Variants in GAS2L3 observed in about 807,000 individuals in gnomAD.
GAS2L3 encodes growth arrest specific 2 like 3.
Under a neutral mutation model 37.0 loss-of-function variants are expected in GAS2L3, and 28 were observed. The observed-to-expected ratio is 0.76, with a 90% CI of 0.56 to 1.04. The LOEUF (loss-of-function observed/expected upper bound fraction) is 1.04. GAS2L3 is among the 50% of genes least tolerant of loss of function. The probability of loss-of-function intolerance (pLI) is 0.00; values close to 1 mark genes in which losing one functional copy is unlikely to be tolerated. For missense variants in GAS2L3, 793 were observed against 817.6 expected (o/e 0.97, Z 0.37); for synonymous variants, 290 against 296.6 (o/e 0.98, Z 0.23).
chr12:100,586,194 A>G (rs1188183758), intron 1 of GAS2L3, among the ~76,000 whole-genome samples: 1 of 152,216 alleles, frequency 6.6e-6, no homozygotes, highest in Non-Finnish European at 1.5e-5. Context: ...CCAAGAAACA[A>G]TGGATTTAAA....
intron 5 of GAS2L3, among the ~76,000 whole-genome samples, chr12:100,605,825 T>C (rs1327860623): frequency 2.6e-5 from 4 of 151,990 alleles, no homozygotes; most frequent in Non-Finnish European, 2.9e-5. Context: ...TGTTATGGAT[T>C]TCTAGTTTTA....
intron 2 of GAS2L3, 60 bp from the exon 3 acceptor site, chr12:100,594,815 T>G (rs1207129187): frequency 1.9e-6 from 1 of 522,320 alleles, no homozygotes; most frequent in Non-Finnish European, 3.3e-6. Flanking sequence ...ATTTGGGGGT[T>G]TGGGGGAGTA....
intron 1 of GAS2L3, among the ~76,000 whole-genome samples, chr12:100,587,999 C>A (rs1020251009): frequency 6.6e-6 from 1 of 152,144 alleles, no homozygotes; most frequent in African/African-American, 2.4e-5. Context: ...TTGCAGTGAG[C>A]TGAGATCGTG....
chr12:100,584,155 C>T (rs958764689), intron 1 of GAS2L3, among the ~76,000 whole-genome samples: 10 of 152,112 alleles, frequency 6.6e-5, no homozygotes, highest in African/African-American at 2.4e-4. Context: ...TTATGCTTGG[C>T]TAAGCAGTGT....
chr12:100,594,921 A>C lies in GAS2L3; in HGVS notation c.17A>C (p.Gln6Pro). ...TAGGTGACTATGCAGCCTGCAATTC[A>C]AGTAAGTTTTTTTCTTGGAAACAAT... MQPAI[Q>P]VWFGEDLPLS... The change falls in exon 3 of 10, where the codon CAA becomes CCA. Residue 6 changes from glutamine (Q) to proline (P), a missense_variant and splice_region_variant. By Grantham distance (76) the Gln-to-Pro change is moderately conservative (BLOSUM62 -1). Transcript: ENST00000547754. 3.0e-6 allele frequency: 4 copies of C among 1,351,790 alleles called. No individual in the cohort carries two copies. The highest frequency in any genetic ancestry group is 4.0e-6 in the Non-Finnish European group (4 of 990,196). The allele number at this position is 1,351,790 out of a possible 1,614,324, so 83.7% of individuals were successfully genotyped here.
intron 1 of GAS2L3, among the ~76,000 whole-genome samples, chr12:100,588,495 G>A (rs1955807727): frequency 6.6e-6 from 1 of 152,176 alleles, no homozygotes; most frequent in South Asian, 2.1e-4. Flanking sequence ...GCTTCTGAGG[G>A]AACAGAACAA....
At chr12:100,579,701 A>G in intron 1 of GAS2L3, 1 of 775,162 alleles carries the variant, frequency 1.3e-6, no homozygotes, top group Non-Finnish European at 2.4e-6. Flanking sequence ...CGATCATGGA[A>G]GCAGCCAGCT....
intron 8 of GAS2L3, among the ~76,000 whole-genome samples, chr12:100,619,412 T>C (rs192800331): frequency 3.0e-4 from 45 of 152,216 alleles, no homozygotes; most frequent in African/African-American, 1.1e-3. Context: ...GTTTGGACTG[T>C]AGCATTTTAT....
intron 1 of GAS2L3, among the ~76,000 whole-genome samples, chr12:100,577,327 T>A (rs1955649678): frequency 6.6e-6 from 1 of 152,210 alleles, no homozygotes; most frequent in Non-Finnish European, 1.5e-5. Context: ...TATGTCCCCA[T>A]ACATTCTTTT....
At chr12:100,593,550 C>T (rs577709013) in intron 2 of GAS2L3, 6 of 152,194 alleles carry the variant, frequency 3.9e-5, no homozygotes, top group Admixed American at 2.6e-4. Flanking sequence ...GATTTGCACA[C>T]GCCTTATAAT....
intron 1 of GAS2L3, among the ~76,000 whole-genome samples, chr12:100,576,066 TA>T (rs534266691): frequency 2.6e-5 from 4 of 152,058 alleles, no homozygotes; most frequent in African/African-American, 7.2e-5. Context: ...ATGCTATTAG[TA>T]AAAAAAACAG....
intron 1 of GAS2L3, among the ~76,000 whole-genome samples, chr12:100,583,199 T>C (rs1285269055): frequency 1.3e-5 from 2 of 152,234 alleles, no homozygotes; most frequent in African/African-American, 4.8e-5. Flanking sequence ...CTCCTGGGAC[T>C]ACATTGGGTC....
chr12:100,620,736 A>G (rs1171567374), intron 8 of GAS2L3, among the ~76,000 whole-genome samples: 1 of 152,068 alleles, frequency 6.6e-6, no homozygotes, highest in Non-Finnish European at 1.5e-5. Context: ...AAAATATACA[A>G]CAGCAATTCT....
At chr12:100,581,002 T>C (rs2136381251) in intron 1 of GAS2L3, among the ~76,000 whole-genome samples, 1 of 152,358 alleles carries the variant, frequency 6.6e-6, no homozygotes, top group East Asian at 1.9e-4. Context: ...GGTAGAGCCT[T>C]CATCTTCCAT....
chr12:100,598,737 A>G (rs1212963015), intron 3 of GAS2L3, among the ~76,000 whole-genome samples: 3 of 152,196 alleles, frequency 2.0e-5, no homozygotes, highest in Non-Finnish European at 4.4e-5. Context: ...TTCAGCCAGT[A>G]GAAGTCCCTT....
chr12:100,622,394 A>T lies in GAS2L3; in HGVS notation c.756+12A>T. Reference sequence around the variant, plus strand: ...TACTCTTTATAAGAGTAAGTCCATTATTTACACTTTATTTACACATAAATA... The same window carrying T: ...TACTCTTTATAAGAGTAAGTCCATTTTTTACACTTTATTTACACATAAATA... On this transcript the variant is annotated intron_variant, in intron 9 of 9. Coordinates refer to ENST00000547754, the MANE Select transcript of GAS2L3 (RefSeq NM_174942.3). 2.4e-6 allele frequency: 3 copies of T among 1,257,490 alleles called. No homozygotes were observed. Among genetic ancestry groups the T allele is most frequent in the Non-Finnish European group, 3.5e-6 (3 of 866,294 alleles). The allele number at this position is 1,257,490 out of a possible 1,614,324, so 77.9% of individuals were successfully genotyped here.
At chr12:100,616,100 G>T (rs1269732840) in intron 6 of GAS2L3, among the ~76,000 whole-genome samples, 1 of 152,126 alleles carries the variant, frequency 6.6e-6, no homozygotes, top group African/African-American at 2.4e-5. Context: ...TTAACAAGTT[G>T]TCTTCCAATC....
chr12:100,615,285 C>T (rs1211411522), intron 6 of GAS2L3, among the ~76,000 whole-genome samples: 1 of 151,970 alleles, frequency 6.6e-6, no homozygotes, highest in African/African-American at 2.4e-5. Context: ...ACTTGTTAAC[C>T]ACTTGTATAA....
At chr12:100,616,091 TAAC>T (rs1647704388) in intron 6 of GAS2L3, among the ~76,000 whole-genome samples, 3 of 152,250 alleles carry the variant, frequency 2.0e-5, no homozygotes, top group Non-Finnish European at 4.4e-5. Flanking sequence ...GTTGCTATCT[TAAC>T]AAGTTGTCTT....
Sources: gnomAD v4.1 joint callset for allele counts (sites outside exome capture counted in the v4.1 genomes callset) on GRCh38, gnomAD v4.1.1 for gene constraint, MANE v1.5 for transcripts, NCBI Gene and HGNC (gene_info 2026-07-23, HGNC 2026-07-21) for gene names.